The following RTTN variants were observed in gnomAD, a reference collection of about 807,000 sequenced individuals.
RTTN encodes rotatin.
RTTN carries 182 observed loss-of-function variants against 269.2 expected under a neutral mutation model. The ratio of observed to expected loss-of-function variants is 0.68; its 90% CI spans 0.60 to 0.76. The LOEUF (loss-of-function observed/expected upper bound fraction) is 0.76. Among genes scored for constraint, RTTN ranks in the 30% least tolerant of loss-of-function variants. The probability of loss-of-function intolerance (pLI) is 0.00; values close to 1 mark genes in which losing one functional copy is unlikely to be tolerated. For missense variants in RTTN, 2,545 were observed against 2,608.6 expected (o/e 0.98, Z 0.53); for synonymous variants, 1,006 against 963.5 (o/e 1.04, Z -0.82).
chr18:70,034,691 C>T (rs1348701793), intron 40 of RTTN, among the ~76,000 whole-genome samples: 1 of 152,130 alleles, frequency 6.6e-6, no homozygotes, highest in African/African-American at 2.4e-5. Flanking sequence ...GAAGTTCTGG[C>T]CAGGGCAATC....
chr18:70,027,570 A>G (rs2056889397), intron 43 of RTTN, among the ~76,000 whole-genome samples: 1 of 152,228 alleles, frequency 6.6e-6, no homozygotes, highest in Admixed American at 6.5e-5. Flanking sequence ...AGTATTCCAG[A>G]GTATTTCCCT....
At chr18:70,167,546 A>C (rs1276395795) in intron 12 of RTTN, among the ~76,000 whole-genome samples, 1 of 151,976 alleles carries the variant, frequency 6.6e-6, no homozygotes, top group Non-Finnish European at 1.5e-5. Context: ...ACATGGCGAA[A>C]CCCCGTCTCT....
chr18:70,114,447 G>A lies in RTTN; in HGVS notation c.3681C>T (p.Asp1227=), dbSNP rs1205474984. The A allele has an allele frequency of 6.2e-7, 1 of 1,612,636 alleles. No homozygotes were observed. Among genetic ancestry groups the A allele is most frequent in the Non-Finnish European group, 8.5e-7 (1 of 1,179,232 alleles). The part of the protein sequence containing the change: ...TLLLNFMEVT[D]RKCSELLYVF... Reference sequence around the variant, plus strand: ...ACCTGCAATATTACAAATGGTACCTGTCAGTAACTTCCATGAAATTGAGCA... The same window carrying A: ...ACCTGCAATATTACAAATGGTACCTATCAGTAACTTCCATGAAATTGAGCA... The change falls in exon 27 of 49, where the codon GAC becomes GAT. Residue 1227 remains aspartate, a splice_region_variant and synonymous_variant. Coordinates refer to ENST00000640769, the MANE Select transcript of RTTN (RefSeq NM_173630.4).
chr18:70,018,414 G>T (rs558963380), intron 45 of RTTN, among the ~76,000 whole-genome samples: 1 of 152,258 alleles, frequency 6.6e-6, no homozygotes, highest in East Asian at 1.9e-4. Flanking sequence ...ATGGCAGCAT[G>T]GAAACCACAG....
At position 70,188,082 on chromosome 18, in the gene RTTN, A is replaced by T. The variant is rs190275683; in HGVS notation, c.1305+26T>A. 72 of 1,315,856 alleles carry T rather than the reference A, an allele frequency of 5.5e-5. No homozygotes were observed. In the East Asian group the frequency reaches 1.6e-3, roughly 29 times the overall value. 81.5% of individuals were successfully genotyped at this position (1,315,856 alleles called of 1,614,324 possible). The stretch of plus-strand genomic sequence containing the variant: ...AATCTTAAAAAATACTATTCCCTAT[A>T]TCCCAAAGAAAACATTGATTCTTAC... On this transcript the variant is annotated intron_variant, in intron 10 of 48. Transcript: ENST00000640769.
At chr18:70,015,097 G>C (rs62089066) in intron 46 of RTTN, among the ~76,000 whole-genome samples, 1 of 149,294 alleles carries the variant, frequency 6.7e-6, no homozygotes, top group African/African-American at 2.5e-5. Context: ...TTTTTTTTTG[G>C]AGATGAAGTC....
At chr18:70,165,455 A>G (rs1281879614) in intron 14 of RTTN, among the ~76,000 whole-genome samples, 1 of 151,972 alleles carries the variant, frequency 6.6e-6, no homozygotes, top group Non-Finnish European at 1.5e-5. Context: ...TTTGAATAAA[A>G]ATGAATCAGA....
At chr18:70,124,049 G>T (rs1340524376) in intron 25 of RTTN, among the ~76,000 whole-genome samples, 1 of 151,660 alleles carries the variant, frequency 6.6e-6, no homozygotes, top group Non-Finnish European at 1.5e-5. Context: ...GAGAAGTCTG[G>T]ACACTGTGGC....
At chr18:70,089,836 G>A (rs1321442222) in intron 30 of RTTN, among the ~76,000 whole-genome samples, 6 of 152,168 alleles carry the variant, frequency 3.9e-5, no homozygotes, top group Non-Finnish European at 1.5e-5. Context: ...TTGAAAAATT[G>A]GCTTGGTTCC....
chr18:70,074,066 A>G, intron 33 of RTTN, 72 bp from the exon 34 acceptor site: 1 of 1,049,060 alleles, frequency 9.5e-7, no homozygotes, highest in Non-Finnish European at 1.4e-6. Flanking sequence ...AAGGGTACGC[A>G]TTACAGGAAA....
At position 70,109,486 on chromosome 18, in the gene RTTN, A is replaced by G; in HGVS notation, c.3903+12T>C. On this transcript the variant is annotated intron_variant, in intron 28 of 48. Transcript: ENST00000640769. ...TAATAGTAAATAACTACCATATGCT[A>G]TTTTTACTTACCTCAAGGAGACCTG... 4 of 1,607,614 alleles carry G rather than the reference A, an allele frequency of 2.5e-6. No individual in the cohort carries two copies. The highest frequency in any genetic ancestry group is 2.2e-5 in the South Asian group (2 of 90,952).
intron 29 of RTTN, among the ~76,000 whole-genome samples, chr18:70,092,473 T>C (rs2058876744): frequency 6.6e-6 from 1 of 152,224 alleles, no homozygotes. Flanking sequence ...GTATGCACAT[T>C]TGAATCAATT....
chr18:70,026,632 C>G (rs2056861464), intron 43 of RTTN, among the ~76,000 whole-genome samples: 1 of 152,158 alleles, frequency 6.6e-6, no homozygotes, highest in Admixed American at 6.5e-5. Context: ...TCAGATATTT[C>G]TTCATAGCAA....
intron 26 of RTTN, among the ~76,000 whole-genome samples, chr18:70,120,903 T>A (rs1487650504): frequency 2.0e-5 from 3 of 151,822 alleles, no homozygotes; most frequent in Non-Finnish European, 4.4e-5. Context: ...ATACAAAAAT[T>A]AGCTGGGCGT....
At chr18:70,147,519 C>T (rs569005101) in intron 17 of RTTN, among the ~76,000 whole-genome samples, 1 of 152,208 alleles carries the variant, frequency 6.6e-6, no homozygotes, top group East Asian at 1.9e-4. Flanking sequence ...GCATCCATGT[C>T]ATTAAGCAAC....
chr18:70,093,395 T>C (rs1402092394), intron 28 of RTTN, among the ~76,000 whole-genome samples: 1 of 152,212 alleles, frequency 6.6e-6, no homozygotes, highest in Non-Finnish European at 1.5e-5. Context: ...TCAAGGGGAA[T>C]GCTTCCAGCT....
intron 9 of RTTN, among the ~76,000 whole-genome samples, chr18:70,190,034 G>A (rs1454436334): frequency 6.6e-6 from 1 of 152,168 alleles, no homozygotes; most frequent in East Asian, 1.9e-4. Context: ...TTTTTAACAT[G>A]TTAAGTGGCT....
At chr18:70,042,799 G>T (rs1467823874) in intron 40 of RTTN, among the ~76,000 whole-genome samples, 1 of 152,108 alleles carries the variant, frequency 6.6e-6, no homozygotes, top group African/African-American at 2.4e-5. Context: ...TATATGTAAG[G>T]GCGATAAAAG....
chr18:70,059,031 C>G (rs1460876751), intron 36 of RTTN, among the ~76,000 whole-genome samples: 1 of 152,084 alleles, frequency 6.6e-6, no homozygotes, highest in Non-Finnish European at 1.5e-5. Flanking sequence ...GACAGAGAGA[C>G]AGAGAAATGC....
Sources: allele counts gnomAD v4.1 joint callset (sites outside exome capture counted in the v4.1 genomes callset), GRCh38; gene constraint gnomAD v4.1.1; transcripts MANE v1.5; gene names NCBI Gene and HGNC (gene_info 2026-07-23, HGNC 2026-07-21).